The following SLC47A1 variants were observed in gnomAD, a reference collection of about 807,000 sequenced individuals.
SLC47A1 encodes the protein multidrug and toxin extrusion protein 1.
In SLC47A1, 58 loss-of-function variants were observed where a neutral mutation model predicts 65.8. The ratio of observed to expected loss-of-function variants is 0.88; its 90% confidence interval spans 0.71 to 1.10. The LOEUF is 1.10. SLC47A1 is among the 50% of genes least tolerant of loss of function. The pLI, the probability that SLC47A1 is intolerant of heterozygous loss-of-function variation, is 0.00. For missense variants in SLC47A1, 706 were observed against 719.2 expected (o/e 0.98, Z 0.21); for synonymous variants, 285 against 295.0 (o/e 0.97, Z 0.35).
At chr17:19,541,505 T>C (rs1916148746) in intron 1 of SLC47A1, among the ~76,000 whole-genome samples, 2 of 152,180 alleles carry the variant, frequency 1.3e-5, no homozygotes, top group Non-Finnish European at 2.9e-5. Flanking sequence ...AATTGCCCAC[T>C]GGAATTTCGA....
In SLC47A1 at chr17:19,557,769, G is replaced by A. The variant is rs1019583253; in HGVS notation, c.921+1707G>A. The A allele has an allele frequency of 3.4e-5, 13 of 385,952 alleles. No homozygotes were observed. In the East Asian group the frequency reaches 4.8e-4, roughly 14 times the overall value. The allele number at this position is 385,952 out of a possible 1,614,324, so 23.9% of individuals were successfully genotyped here. ...ATGGGATTCTTCAGTGCACCAAATC[G>A]AAGAAAGCACTGGAGCTCACGCTGG... On this transcript the variant is annotated intron_variant, in intron 10 of 16. Coordinates refer to ENST00000270570, the MANE Select transcript of SLC47A1 (RefSeq NM_018242.3).
At chr17:19,541,786 C>T (rs949741440) in intron 1 of SLC47A1, among the ~76,000 whole-genome samples, 2 of 152,150 alleles carry the variant, frequency 1.3e-5, no homozygotes, top group Admixed American at 1.3e-4. Flanking sequence ...CTGCACATTG[C>T]AGAGGAAATT....
At chr17:19,576,832 T>G (rs1327729024) in intron 16 of SLC47A1, among the ~76,000 whole-genome samples, 1 of 152,004 alleles carries the variant, frequency 6.6e-6, no homozygotes, top group Admixed American at 6.6e-5. Context: ...CTCTGCCTCC[T>G]GGGTTCAAGC....
chr17:19,555,627 A>T lies in SLC47A1; in HGVS notation c.676A>T (p.Thr226Ser). ...ACTGGCAAACTTGATTTCCCAGTACACCCTGGCTCTACTCCTCTTTCTCTA... is the reference window on the plus strand; with the variant it reads ...ACTGGCAAACTTGATTTCCCAGTACTCCCTGGCTCTACTCCTCTTTCTCTA... ...SALANLISQY[T>S]LALLLFLYIL... Residue 226 changes from threonine to serine, a missense_variant, in exon 8 of 17, where the codon ACC (threonine) becomes TCC (serine). Physicochemically the swap from Thr to Ser is moderately conservative, Grantham distance 58. Coordinates refer to ENST00000270570, the MANE Select transcript of SLC47A1 (RefSeq NM_018242.3). 1 of 1,614,110 alleles carries T rather than the reference A, an allele frequency of 6.2e-7. No homozygotes were observed. Among genetic ancestry groups the T allele is most frequent in the Non-Finnish European group, 8.5e-7 (1 of 1,180,018 alleles).
At chr17:19,551,284 G>A (rs1916439434) in intron 5 of SLC47A1, 140 bp from the exon 6 acceptor site, 1 of 788,654 alleles carries the variant, frequency 1.3e-6, no homozygotes, top group African/African-American at 1.7e-5. Context: ...GCCCTGTCCT[G>A]AGACGACAGC....
Position 19,533,855 on chromosome 17 carries a change from C to G in SLC47A1, c.-85C>G. 7.3e-7 allele frequency: 1 copy of G among 1,362,168 alleles called. No homozygotes were observed. Among genetic ancestry groups the G allele is most frequent in the Non-Finnish European group, 9.5e-7 (1 of 1,057,392 alleles). The allele number at this position is 1,362,168 out of a possible 1,614,324, so 84.4% of individuals were successfully genotyped here. On this transcript the variant is annotated 5_prime_UTR_variant, in exon 1 of 17. Coordinates refer to ENST00000270570, the MANE Select transcript of SLC47A1 (RefSeq NM_018242.3). ...AGCAGGCTGCACTGCGCGGTACCCA[C>G]TGCCGGCCTGCGCGGTACTCACTGC...
At chr17:19,560,552 A>C in intron 12 of SLC47A1, 59 bp downstream of exon 12, 1 of 1,558,366 alleles carries the variant, frequency 6.4e-7, no homozygotes, top group Non-Finnish European at 8.9e-7. Context: ...GTTCATTGAG[A>C]AAATTTGTTC....
intron 10 of SLC47A1, among the ~76,000 whole-genome samples, chr17:19,559,554 A>G (rs953353189): frequency 2.6e-5 from 4 of 151,948 alleles, no homozygotes; most frequent in Non-Finnish European, 4.4e-5. Context: ...TATTTTGAGA[A>G]GGAGTTTCAC....
At chr17:19,538,153 C>T (rs1374293645) in intron 1 of SLC47A1, among the ~76,000 whole-genome samples, 2 of 152,226 alleles carry the variant, frequency 1.3e-5, no homozygotes, top group Non-Finnish European at 2.9e-5. Context: ...TCCTGACTTG[C>T]GTGGGACGCA....
At chr17:19,534,144 G>C in intron 1 of SLC47A1, 70 bp downstream of exon 1, 1 of 1,427,372 alleles carries the variant, frequency 7.0e-7, no homozygotes, top group Non-Finnish European at 9.2e-7. Context: ...TGCCTCCGCG[G>C]GTGACTTTGG....
chr17:19,578,051 T>C lies in SLC47A1; in HGVS notation c.*498T>C, dbSNP rs565191543. ...AGGCTGGAGTGCGGTGGTGCGATCA[T>C]AGCTCACTGCAGCCTCGAACTCTTG... On this transcript the variant is annotated 3_prime_UTR_variant, in exon 17 of 17. Transcript: ENST00000270570. 5 of 1,022,574 alleles carry C rather than the reference T, an allele frequency of 4.9e-6. No individual in the cohort carries two copies. The highest frequency in any genetic ancestry group is 2.4e-4 in the Middle Eastern group (1 of 4,128). The allele number at this position is 1,022,574 out of a possible 1,614,324, so 63.3% of individuals were successfully genotyped here. A position where few individuals can be genotyped will look rare whatever the true frequency, so the allele number is the denominator to read the frequency against.
At chr17:19,557,645 T>C in intron 10 of SLC47A1, 1 of 517,936 alleles carries the variant, frequency 1.9e-6, no homozygotes, top group Non-Finnish European at 3.9e-6. Flanking sequence ...ACAACGTTTG[T>C]GCCTCAGTTA....
At position 19,550,849 on chromosome 17, in the gene SLC47A1, C is replaced by G. The variant is rs528095076; in HGVS notation, c.499-575C>G. ...GGTTGTCCCCTGTGCATTCATCCCC[C>G]GGTATCCCCTGTCTTCTTATGAGGA... On this transcript the variant is annotated intron_variant, in intron 5 of 16. Transcript: ENST00000270570. 4.6e-5 allele frequency among the ~76,000 whole-genome samples: 7 copies of G among 152,258 alleles called. No individual in the cohort carries two copies. The South Asian group carries it at 1.4e-3, about 32-fold the overall frequency.
At chr17:19,552,851 G>A (rs1916492212) in intron 6 of SLC47A1, among the ~76,000 whole-genome samples, 1 of 152,178 alleles carries the variant, frequency 6.6e-6, no homozygotes, top group Admixed American at 6.5e-5. Context: ...TCGAGAGGCG[G>A]GCTGGCCCAG....
intron 1 of SLC47A1, among the ~76,000 whole-genome samples, chr17:19,536,610 T>C (rs929204783): frequency 6.6e-6 from 1 of 152,242 alleles, no homozygotes; most frequent in Non-Finnish European, 1.5e-5. Context: ...GCTACCTGCT[T>C]AGTCTCTCAT....
intron 4 of SLC47A1, 100 bp from the exon 5 acceptor site, chr17:19,549,535 A>C (rs1182894300): frequency 6.2e-5 from 78 of 1,267,020 alleles, no homozygotes; most frequent in Non-Finnish European, 2.3e-6. Flanking sequence ...AACAGCCAAG[A>C]ATGGAAAAGG....
chr17:19,557,373 A>G (rs1916645392), intron 10 of SLC47A1: 1 of 169,498 alleles, frequency 5.9e-6, no homozygotes, highest in African/African-American at 2.4e-5. Flanking sequence ...TTCATTAACT[A>G]TATCTAAGTC....
intron 12 of SLC47A1, among the ~76,000 whole-genome samples, chr17:19,560,942 G>A (rs1205862605): frequency 1.3e-5 from 2 of 151,248 alleles, no homozygotes; most frequent in African/African-American, 4.9e-5. Flanking sequence ...AGCAGAAAAA[G>A]TTTTTTAAAA....
In SLC47A1 at chr17:19,577,987, AT is replaced by A. The variant is rs761509944; in HGVS notation, c.*444del. ...GCAAATGGTATTTGTTTTTGTTTTA[AT>A]TTTTTTTTTAATAGACGGAAGTCTT... On this transcript the variant is annotated 3_prime_UTR_variant, in exon 17 of 17. Coordinates refer to ENST00000270570, the MANE Select transcript of SLC47A1 (RefSeq NM_018242.3). 1,242 of 1,192,272 alleles carry A rather than the reference AT, an allele frequency of 1.0e-3. No individual in the cohort carries two copies. The highest frequency in any genetic ancestry group is 2.3e-3 in the Admixed American group (89 of 39,422). 73.9% of individuals were successfully genotyped at this position (1,192,272 alleles called of 1,614,324 possible).
Sources: allele counts gnomAD v4.1 joint callset (sites outside exome capture counted in the v4.1 genomes callset), GRCh38; gene constraint gnomAD v4.1.1; transcripts MANE v1.5; gene names NCBI Gene and HGNC (gene_info 2026-07-23, HGNC 2026-07-21).